NUDCD3: variants seen among roughly 807,000 people sequenced by gnomAD.
NUDCD3 encodes NudC domain containing 3.
In NUDCD3, 13 loss-of-function variants were observed where a neutral mutation model predicts 39.7. That is an observed-to-expected ratio of 0.33 (90% CI 0.21 to 0.52). The LOEUF (loss-of-function observed/expected upper bound fraction) is 0.52, where lower values mean the gene tolerates loss of function less well. Among genes scored for constraint, NUDCD3 ranks in the 20% least tolerant of loss-of-function variants. NUDCD3 has a pLI of 0.96. For missense variants in NUDCD3, 453 were observed against 458.1 expected (o/e 0.99, Z 0.10); for synonymous variants, 175 against 172.4 (o/e 1.02, Z -0.12).
chr7:44,432,817 C>T (rs1275950322), intron 2 of NUDCD3, among the ~76,000 whole-genome samples: 2 of 152,232 alleles, frequency 1.3e-5, no homozygotes, highest in Non-Finnish European at 2.9e-5. Context: ...GGTGTAAGAG[C>T]TGTCATCACA....
intron 2 of NUDCD3, among the ~76,000 whole-genome samples, chr7:44,437,320 G>A (rs1403247109): frequency 7.9e-5 from 12 of 151,598 alleles, no homozygotes; most frequent in Admixed American, 7.9e-4. Flanking sequence ...TGCCCGCCTT[G>A]GCCTCCCAAA....
intron 4 of NUDCD3, among the ~76,000 whole-genome samples, chr7:44,393,268 G>C (rs940703546): frequency 6.6e-6 from 1 of 152,224 alleles, no homozygotes; most frequent in Non-Finnish European, 1.5e-5. Flanking sequence ...GTCAAAGGAA[G>C]CAGCACCCAG....
rs2116851598 is a variant in NUDCD3 at position 44,384,608 on chromosome 7, T to TC, written c.*1402dup. 1 of 152,302 alleles carries TC rather than the reference T, an allele frequency of 6.6e-6. No homozygotes were observed. The highest frequency in any genetic ancestry group is 6.5e-5 in the Admixed American group (1 of 15,298). 9.4% of individuals were successfully genotyped at this position (152,302 alleles called of 1,614,324 possible). On this transcript the variant is annotated 3_prime_UTR_variant, in exon 6 of 6. Coordinates refer to ENST00000355451, the MANE Select transcript of NUDCD3 (RefSeq NM_015332.4). ...CAAGAGAGCCCCCACAACCCAAGTA[T>TC]CCATAGAGAGTGTGCAGGAGCGGGG...
intron 3 of NUDCD3, among the ~76,000 whole-genome samples, chr7:44,416,977 G>A (rs764916803): frequency 2.0e-5 from 3 of 152,164 alleles, no homozygotes; most frequent in Non-Finnish European, 4.4e-5. Flanking sequence ...GGCACCACAC[G>A]AGTGCTGGTT....
intron 2 of NUDCD3, among the ~76,000 whole-genome samples, chr7:44,477,961 G>C (rs1563189641): frequency 6.6e-6 from 1 of 151,004 alleles, no homozygotes; most frequent in South Asian, 2.1e-4. Flanking sequence ...AGCCTCCTGT[G>C]TAGCTGAGAT....
rs10585173 is a variant in NUDCD3, at chr7:44,396,087, T to TTGTGTGTGTGTGTGTG, written c.787-3618_787-3603dup. Among the ~76,000 whole-genome samples the TTGTGTGTGTGTGTGTG allele has an allele frequency of 6.5e-4, 94 of 145,008 alleles. 1 individual carries two copies. The highest frequency in any genetic ancestry group is 2.1e-3 in the African/African-American group (79 of 38,444). ...CCTCACCAACACTTGTTATCTTCTG[T>TTGTGTGTGTGTGTGTG]TGTGTGTGTGTGTGTGTGTGTGTGT... On this transcript the variant is annotated intron_variant, in intron 4 of 5. Transcript: ENST00000355451.
intron 2 of NUDCD3, among the ~76,000 whole-genome samples, chr7:44,443,850 C>T (rs1799640370): frequency 6.6e-6 from 1 of 152,222 alleles, no homozygotes; most frequent in African/African-American, 2.4e-5. Flanking sequence ...ATCTTCAGTT[C>T]TCCTGGGAGG....
chr7:44,448,834 C>T (rs927403172), intron 2 of NUDCD3, among the ~76,000 whole-genome samples: 4 of 152,150 alleles, frequency 2.6e-5, no homozygotes, highest in Non-Finnish European at 5.9e-5. Flanking sequence ...AGGATGTGCT[C>T]ATTTTGTTCA....
chr7:44,398,250 A>G (rs140408874), intron 4 of NUDCD3, among the ~76,000 whole-genome samples: 34 of 152,130 alleles, frequency 2.2e-4, no homozygotes, highest in African/African-American at 7.5e-4. Flanking sequence ...TGAAGCAAGC[A>G]CCTTCTCTTC....
At chr7:44,412,385 A>C (rs542719393) in intron 3 of NUDCD3, among the ~76,000 whole-genome samples, 11 of 152,236 alleles carry the variant, frequency 7.2e-5, no homozygotes, top group Non-Finnish European at 1.5e-4. Context: ...TTTAAAAATC[A>C]AGTGTCCATT....
chr7:44,442,594 GTCTC>G (rs1799607762), intron 2 of NUDCD3, among the ~76,000 whole-genome samples: 1 of 151,916 alleles, frequency 6.6e-6, no homozygotes, highest in African/African-American at 2.4e-5. Context: ...TTCATCTTCT[GTCTC>G]AGCTCACTCA....
At chr7:44,438,547 C>T (rs1799509805) in intron 2 of NUDCD3, among the ~76,000 whole-genome samples, 1 of 152,066 alleles carries the variant, frequency 6.6e-6, no homozygotes, top group African/African-American at 2.4e-5. Context: ...CTAGACTGTC[C>T]TCAACCAGCC....
At chr7:44,433,846 T>C (rs1799416478) in intron 2 of NUDCD3, among the ~76,000 whole-genome samples, 1 of 152,096 alleles carries the variant, frequency 6.6e-6, no homozygotes, top group Non-Finnish European at 1.5e-5. Flanking sequence ...GGCCAGGGCC[T>C]CAGCAAGGCA....
chr7:44,398,347 C>T (rs1355671123), intron 4 of NUDCD3, among the ~76,000 whole-genome samples: 1 of 152,178 alleles, frequency 6.6e-6, no homozygotes, highest in Non-Finnish European at 1.5e-5. Context: ...TAACTCATTA[C>T]CATGCTTAAT....
intron 2 of NUDCD3, among the ~76,000 whole-genome samples, chr7:44,446,188 C>G (rs1799687545): frequency 6.6e-6 from 1 of 152,194 alleles, no homozygotes; most frequent in African/African-American, 2.4e-5. Flanking sequence ...AGCCAGAGAG[C>G]CTGTGTGTAG....
chr7:44,488,107 C>T (rs1800651772), intron 1 of NUDCD3, among the ~76,000 whole-genome samples: 1 of 152,120 alleles, frequency 6.6e-6, no homozygotes, highest in South Asian at 2.1e-4. Context: ...GAGGCCGAGG[C>T]AGGCAGAACA....
chr7:44,450,416 G>A (rs186599034), intron 2 of NUDCD3, among the ~76,000 whole-genome samples: 2 of 151,928 alleles, frequency 1.3e-5, no homozygotes, highest in Admixed American at 1.3e-4. Flanking sequence ...GACCTCACAT[G>A]ATCCACCTAA....
intron 2 of NUDCD3, among the ~76,000 whole-genome samples, chr7:44,428,908 T>C (rs1391066442): frequency 6.6e-6 from 1 of 152,150 alleles, no homozygotes; most frequent in Non-Finnish European, 1.5e-5. Flanking sequence ...GCTCAGAGAT[T>C]AGCAGACAAA....
chr7:44,488,222 C>T (rs1800657295), intron 1 of NUDCD3, among the ~76,000 whole-genome samples: 1 of 151,212 alleles, frequency 6.6e-6, no homozygotes, highest in Non-Finnish European at 1.5e-5. Context: ...GCAGTCCCAG[C>T]TACTCGAGAG....
Sources: gnomAD v4.1 joint callset for allele counts (sites outside exome capture counted in the v4.1 genomes callset) on GRCh38, gnomAD v4.1.1 for gene constraint, MANE v1.5 for transcripts, NCBI Gene and HGNC (gene_info 2026-07-23, HGNC 2026-07-21) for gene names.